Variants in TMEM74 observed in about 807,000 individuals in gnomAD.
TMEM74 encodes the protein transmembrane protein 74.
Under a neutral mutation model 18.1 loss-of-function variants are expected in TMEM74, and 13 were observed. The observed-to-expected ratio is 0.72, with a 90% CI of 0.47 to 1.14. The LOEUF (loss-of-function observed/expected upper bound fraction) is 1.14. Among genes scored for constraint, TMEM74 ranks in the 50% most tolerant of loss-of-function variants. The pLI, the probability that TMEM74 is intolerant of heterozygous loss-of-function variation, is 0.00. For synonymous variants in TMEM74, 159 were observed against 146.6 expected (o/e 1.08, Z -0.61); for missense variants, 372 against 375.9 (o/e 0.99, Z 0.09).
chr8:108,661,887 T>C (rs1249084194), intron 1 of TMEM74, among the ~76,000 whole-genome samples: 1 of 152,140 alleles, frequency 6.6e-6, no homozygotes, highest in Admixed American at 6.6e-5. Flanking sequence ...CAAGAAATTC[T>C]CTATTCCTTA....
intron 1 of TMEM74, among the ~76,000 whole-genome samples, chr8:108,694,378 G>A (rs551704780): frequency 1.3e-4 from 20 of 152,034 alleles, no homozygotes; most frequent in African/African-American, 2.7e-4. Flanking sequence ...TACATGCTGC[G>A]ATGTGGACAA....
chr8:108,760,690 T>C (rs992251545), intron 1 of TMEM74, among the ~76,000 whole-genome samples: 1 of 152,012 alleles, frequency 6.6e-6, no homozygotes, highest in African/African-American at 2.4e-5. Context: ...AGCAATGTCA[T>C]GCCTGATAGC....
At chr8:108,720,518 T>C (rs954666148) in intron 1 of TMEM74, among the ~76,000 whole-genome samples, 1 of 152,184 alleles carries the variant, frequency 6.6e-6, no homozygotes, top group African/African-American at 2.4e-5. Context: ...ATTGATCTAA[T>C]AGTCCCCATA....
intron 1 of TMEM74, among the ~76,000 whole-genome samples, chr8:108,746,056 G>A (rs1011819486): frequency 1.3e-5 from 2 of 152,122 alleles, no homozygotes; most frequent in Non-Finnish European, 2.9e-5. Context: ...GAGTCTTGCT[G>A]ATGCCCCCAG....
At chr8:108,757,470 T>G (rs1427880118) in intron 1 of TMEM74, among the ~76,000 whole-genome samples, 1 of 152,094 alleles carries the variant, frequency 6.6e-6, no homozygotes, top group African/African-American at 2.4e-5. Flanking sequence ...AATATTATAC[T>G]ATTGTGAATA....
At chr8:108,734,434 C>T (rs1813725525) in intron 1 of TMEM74, among the ~76,000 whole-genome samples, 1 of 152,130 alleles carries the variant, frequency 6.6e-6, no homozygotes. Context: ...ATCTGTTTAC[C>T]TATTTAGCCT....
intron 2 of TMEM74, among the ~76,000 whole-genome samples, chr8:108,643,094 G>A (rs1812682762): frequency 6.6e-6 from 1 of 152,136 alleles, no homozygotes; most frequent in South Asian, 2.1e-4. Context: ...CAGTCTAATG[G>A]AGGAGACAAA....
At chr8:108,643,931 C>G (rs1044218762) in intron 2 of TMEM74, among the ~76,000 whole-genome samples, 1 of 152,038 alleles carries the variant, frequency 6.6e-6, no homozygotes, top group South Asian at 2.1e-4. Flanking sequence ...TTGCCCAAAG[C>G]AATCTACAGA....
chr8:108,723,531 T>A (rs1484062414), intron 1 of TMEM74, among the ~76,000 whole-genome samples: 1 of 152,158 alleles, frequency 6.6e-6, no homozygotes, highest in Non-Finnish European at 1.5e-5. Flanking sequence ...TTTCAAACCA[T>A]AACCTTTCAA....
chr8:108,756,643 A>AAGGAAGGAAGGAAGG (rs1563543724), intron 1 of TMEM74, among the ~76,000 whole-genome samples: 25 of 49,054 alleles, frequency 5.1e-4, no homozygotes, highest in African/African-American at 2.1e-3. Flanking sequence ...AGGAAGGAAG[A>AAGGAAGGAAGGAAGG]AAGAAAGAGA....
downstream of TMEM74, among the ~76,000 whole-genome samples, chr8:108,776,800 G>T (rs1466093289): frequency 6.6e-6 from 1 of 151,952 alleles, no homozygotes; most frequent in Non-Finnish European, 1.5e-5. Flanking sequence ...GTGGGGAAAA[G>T]GAGGAAGAGG....
At chr8:108,770,859 G>T (rs1586292260) in intron 1 of TMEM74, among the ~76,000 whole-genome samples, 1 of 152,146 alleles carries the variant, frequency 6.6e-6, no homozygotes, top group African/African-American at 2.4e-5. Flanking sequence ...TGAATCCTAG[G>T]CCTGGAAGGG....
rs138801400 is a variant in TMEM74 at position 108,780,344 on chromosome 8, C to T, written c.*3837G>A. On this transcript the variant is annotated 3_prime_UTR_variant, in exon 2 of 2. Transcript: ENST00000297459. The stretch of plus-strand genomic sequence containing the variant: ...TTTTGCATACACCTATCATTGCACA[C>T]GTGAAAGATGAAGACCAAAATGTTC... Among the ~76,000 whole-genome samples the T allele has an allele frequency of 3.4e-4, 52 of 152,174 alleles. No individual in the cohort carries two copies. In the East Asian group the frequency reaches 8.3e-3, roughly 24 times the overall value.
At chr8:108,713,667 T>A (rs1470990766) in intron 1 of TMEM74, among the ~76,000 whole-genome samples, 4 of 152,154 alleles carry the variant, frequency 2.6e-5, no homozygotes, top group Non-Finnish European at 5.9e-5. Flanking sequence ...ATGTTAAAAT[T>A]TGTATTAGTC....
At chr8:108,680,379 T>C (rs1187157500) in intron 1 of TMEM74, among the ~76,000 whole-genome samples, 1 of 152,172 alleles carries the variant, frequency 6.6e-6, no homozygotes, top group Non-Finnish European at 1.5e-5. Context: ...AATCAATAAA[T>C]GTAATCCAGC....
At chr8:108,686,510 A>G (rs968474782) in intron 1 of TMEM74, among the ~76,000 whole-genome samples, 32 of 151,910 alleles carry the variant, frequency 2.1e-4, no homozygotes, top group African/African-American at 7.7e-4. Flanking sequence ...CCTGTTTTAT[A>G]CTTCTTAAAA....
chr8:108,752,149 A>G (rs536076381), intron 1 of TMEM74, among the ~76,000 whole-genome samples: 1 of 152,280 alleles, frequency 6.6e-6, no homozygotes, highest in East Asian at 1.9e-4. Flanking sequence ...AATATTAAAG[A>G]TGCAGTGGTA....
intron 1 of TMEM74, among the ~76,000 whole-genome samples, chr8:108,686,424 G>A (rs1190279632): frequency 6.6e-6 from 1 of 151,622 alleles, no homozygotes; most frequent in Admixed American, 6.6e-5. Context: ...GGATGGTCTC[G>A]ATCTCCTGAC....
chr8:108,708,834 C>CAAAAAAAAAAAAAAA (rs1813445455), intron 1 of TMEM74, among the ~76,000 whole-genome samples: 1 of 63,680 alleles, frequency 1.6e-5, no homozygotes, highest in Non-Finnish European at 2.9e-5. Context: ...AAAAAAAAAC[C>CAAAAAAAAAAAAAAA]AACCCAAATA....
Sources: allele counts gnomAD v4.1 joint callset (sites outside exome capture counted in the v4.1 genomes callset), GRCh38; gene constraint gnomAD v4.1.1; transcripts MANE v1.5; gene names NCBI Gene and HGNC (gene_info 2026-07-23, HGNC 2026-07-21).